Variants in NRG3 observed in about 807,000 individuals in gnomAD.
NRG3 encodes the protein neuregulin 3.
A neutral mutation model predicts 66.9 loss-of-function variants in NRG3; 31 were observed. The ratio of observed to expected loss-of-function variants is 0.46; its 90% CI spans 0.35 to 0.63. The LOEUF is 0.63. Among genes scored for constraint, NRG3 ranks in the 20% least tolerant of loss-of-function variants. The pLI, the probability that NRG3 is intolerant of heterozygous loss-of-function variation, is 0.00. For synonymous variants in NRG3, 393 were observed against 359.4 expected, an observed-to-expected ratio of 1.09 and a Z score of -1.06; for missense variants, 910 against 878.9, an observed-to-expected ratio of 1.04 and a Z score of -0.45.
intron 1 of NRG3, among the ~76,000 whole-genome samples, chr10:82,266,527 G>T (rs555795240): frequency 5.3e-4 from 81 of 152,286 alleles, no homozygotes; most frequent in Non-Finnish European, 7.3e-4. Flanking sequence ...AAGAGGTATT[G>T]CTCTCCTATC....
chr10:82,036,969 G>A (rs752648955), intron 1 of NRG3, among the ~76,000 whole-genome samples: 18 of 152,242 alleles, frequency 1.2e-4, no homozygotes, highest in Admixed American at 9.2e-4. Context: ...CTACCACGCT[G>A]TTTTATTAAT....
intron 1 of NRG3, among the ~76,000 whole-genome samples, chr10:82,037,560 A>G (rs2062842556): frequency 1.3e-5 from 2 of 152,120 alleles, no homozygotes; most frequent in Non-Finnish European, 2.9e-5. Context: ...AAACGGTTTG[A>G]AAAATCGATT....
chr10:81,944,870 C>G (rs1380922778), intron 1 of NRG3, among the ~76,000 whole-genome samples: 3 of 152,134 alleles, frequency 2.0e-5, no homozygotes, highest in Non-Finnish European at 4.4e-5. Context: ...GATATAAAGG[C>G]AAAATCCCTC....
At chr10:82,126,475 A>G (rs1390127488) in intron 1 of NRG3, among the ~76,000 whole-genome samples, 3 of 152,038 alleles carry the variant, frequency 2.0e-5, no homozygotes, top group Non-Finnish European at 4.4e-5. Flanking sequence ...GTCCTAGTAG[A>G]TGTTTCGGTA....
intron 4 of NRG3, among the ~76,000 whole-genome samples, chr10:82,947,149 T>G (rs1849103024): frequency 6.6e-6 from 1 of 152,182 alleles, no homozygotes. Flanking sequence ...TACATACATG[T>G]TTTATGTTAT....
intron 4 of NRG3, among the ~76,000 whole-genome samples, chr10:82,892,568 A>C (rs1843254135): frequency 6.6e-6 from 1 of 152,050 alleles, no homozygotes; most frequent in African/African-American, 2.4e-5. Flanking sequence ...CAGGAGGCTG[A>C]GGTGGAAAGA....
chr10:82,346,290 G>T (rs2083018153), intron 1 of NRG3, among the ~76,000 whole-genome samples: 2 of 149,826 alleles, frequency 1.3e-5, no homozygotes, highest in Admixed American at 6.6e-5. Context: ...GTTGAATTTT[G>T]TCAAAGGCTT....
At chr10:81,937,725 C>T (rs559643018) in intron 1 of NRG3, among the ~76,000 whole-genome samples, 81 of 152,126 alleles carry the variant, frequency 5.3e-4, no homozygotes, top group Non-Finnish European at 8.1e-4. Flanking sequence ...TGACTGCTTT[C>T]CTGTGCAGAA....
chr10:81,876,733 G>T (rs1841695096), intron 1 of NRG3, among the ~76,000 whole-genome samples: 1 of 152,184 alleles, frequency 6.6e-6, no homozygotes, highest in Admixed American at 6.5e-5. Context: ...GAACCAGAAA[G>T]GGTTAATTAG....
At chr10:82,805,687 C>T (rs1266595398) in intron 3 of NRG3, among the ~76,000 whole-genome samples, 19 of 152,038 alleles carry the variant, frequency 1.2e-4, no homozygotes, top group Admixed American at 1.3e-4. Context: ...AAAGAGGTGA[C>T]GTGGTCTTGA....
At chr10:81,879,105 C>T (rs1004388818) in intron 1 of NRG3, among the ~76,000 whole-genome samples, 3 of 152,166 alleles carry the variant, frequency 2.0e-5, no homozygotes, top group Admixed American at 6.5e-5. Flanking sequence ...CTTCTCTTCC[C>T]GTCCTCCACC....
At chr10:82,590,291 T>C (rs2046907499) in intron 2 of NRG3, among the ~76,000 whole-genome samples, 1 of 152,206 alleles carries the variant, frequency 6.6e-6, no homozygotes, top group African/African-American at 2.4e-5. Context: ...TAGGCATGTT[T>C]GTACAGAGTT....
chr10:82,869,551 A>G (rs1337633506), intron 4 of NRG3, among the ~76,000 whole-genome samples: 1 of 134,478 alleles, frequency 7.4e-6, no homozygotes, highest in Non-Finnish European at 1.6e-5. Context: ...CCTTTCCCCA[A>G]CCACTGGTCT....
intron 1 of NRG3, among the ~76,000 whole-genome samples, chr10:82,059,473 G>C (rs1421712508): frequency 6.8e-6 from 1 of 146,376 alleles, no homozygotes; most frequent in African/African-American, 2.6e-5. Flanking sequence ...GCAACTGGTA[G>C]ATTGAGTTAA....
intron 3 of NRG3, among the ~76,000 whole-genome samples, chr10:82,839,222 T>C (rs2062934480): frequency 6.6e-6 from 1 of 152,200 alleles, no homozygotes; most frequent in South Asian, 2.1e-4. Flanking sequence ...ATCTATGATA[T>C]GCATCTAAAA....
intron 2 of NRG3, among the ~76,000 whole-genome samples, chr10:82,686,173 CTTTCT>C (rs2054494906): frequency 2.2e-5 from 1 of 46,058 alleles, no homozygotes; most frequent in Non-Finnish European, 4.6e-5. Flanking sequence ...ATGTGCTATG[CTTTCT>C]TTTTTTTTTT....
intron 3 of NRG3, among the ~76,000 whole-genome samples, chr10:82,776,925 AT>A (rs1199901454): frequency 1.3e-5 from 2 of 151,958 alleles, no homozygotes; most frequent in African/African-American, 4.8e-5. Context: ...ATTTTCATTT[AT>A]ATGGGGTTAG....
intron 1 of NRG3, among the ~76,000 whole-genome samples, chr10:81,997,056 A>G (rs1295234884): frequency 6.6e-6 from 1 of 152,174 alleles, no homozygotes; most frequent in Non-Finnish European, 1.5e-5. Flanking sequence ...TGAATCTATA[A>G]GAGACTATAC....
intron 1 of NRG3, among the ~76,000 whole-genome samples, chr10:82,150,256 G>T (rs550805663): frequency 1.3e-5 from 2 of 152,052 alleles, no homozygotes; most frequent in Non-Finnish European, 2.9e-5. Flanking sequence ...GTTGAAGACC[G>T]GTAAGTGCCC....
Sources: gnomAD v4.1 joint callset for allele counts (sites outside exome capture counted in the v4.1 genomes callset) on GRCh38, gnomAD v4.1.1 for gene constraint, MANE v1.5 for transcripts, NCBI Gene and HGNC (gene_info 2026-07-23, HGNC 2026-07-21) for gene names.